Variants in RNF38 observed in about 807,000 individuals in gnomAD.
The protein encoded by RNF38 is ring finger protein 38.
In RNF38, 15 loss-of-function variants were observed where a neutral mutation model predicts 67.2. The ratio of observed to expected loss-of-function variants is 0.22; its 90% CI spans 0.15 to 0.34. The LOEUF (loss-of-function observed/expected upper bound fraction) is 0.34, where lower values mean the gene tolerates loss of function less well. RNF38 is among the 10% of genes least tolerant of loss of function. The pLI is 1.00. For synonymous variants in RNF38, 220 were observed against 218.8 expected (o/e 1.01, Z -0.05); for missense variants, 524 against 639.9 (o/e 0.82, Z 1.95).
chr9:36,382,838 C>A (rs1836309734), intron 2 of RNF38, among the ~76,000 whole-genome samples: 1 of 152,118 alleles, frequency 6.6e-6, no homozygotes, highest in African/African-American at 2.4e-5. Flanking sequence ...CTTTAAACTC[C>A]CAGACTTTCT....
intron 1 of RNF38, among the ~76,000 whole-genome samples, chr9:36,440,280 C>T (rs755722336): frequency 1.3e-5 from 2 of 151,610 alleles, no homozygotes; most frequent in East Asian, 1.9e-4. Flanking sequence ...CAGTGGCTCA[C>T]GCCTGTAACC....
intron 2 of RNF38, among the ~76,000 whole-genome samples, chr9:36,415,872 ATTTT>A (rs1227901936): frequency 1.3e-5 from 2 of 151,602 alleles, no homozygotes; most frequent in Non-Finnish European, 2.9e-5. Context: ...ATTTGCTATT[ATTTT>A]CTCCTTTCTT....
At chr9:36,432,216 C>T (rs1241171704) in intron 1 of RNF38, among the ~76,000 whole-genome samples, 1 of 151,830 alleles carries the variant, frequency 6.6e-6, no homozygotes, top group Non-Finnish European at 1.5e-5. Flanking sequence ...CTTACTGCAA[C>T]CTCTGCCTCC....
chr9:36,388,578 T>C (rs1836820243), intron 2 of RNF38, among the ~76,000 whole-genome samples: 1 of 152,150 alleles, frequency 6.6e-6, no homozygotes, highest in Non-Finnish European at 1.5e-5. Flanking sequence ...ACACATTTTT[T>C]CTCCCATATG....
At chr9:36,427,224 G>A (rs1268164676) in intron 1 of RNF38, among the ~76,000 whole-genome samples, 1 of 152,158 alleles carries the variant, frequency 6.6e-6, no homozygotes, top group African/African-American at 2.4e-5. Context: ...CAAAGCATGA[G>A]AGAAAAGAAA....
At position 36,429,217 on chromosome 9, in the gene RNF38, G is replaced by GA. The variant is rs776262173; in HGVS notation, n.242-4535dup. Among the ~76,000 whole-genome samples the GA allele has an allele frequency of 3.9e-4, 59 of 152,290 alleles. 1 individual carries two copies. Among genetic ancestry groups the GA allele is most frequent in the East Asian group, 3.3e-3 (17 of 5,188 alleles). The stretch of plus-strand genomic sequence containing the variant: ...GTAAAAAAAGAATGAAATGGATTAT[G>GA]ATGAAAAAAGAATCCCATTGCCTTC... On this transcript the variant is annotated intron_variant and non_coding_transcript_variant, in intron 1 of 3. Coordinates refer to the RNF38 transcript ENST00000488058.
intron 1 of RNF38, 137 bp from the exon 2 acceptor site, chr9:36,390,753 A>G: frequency 1.1e-6 from 1 of 924,996 alleles, no homozygotes; most frequent in Non-Finnish European, 1.6e-6. Context: ...TTAAAAATTA[A>G]TTTTAAACAT....
intron 2 of RNF38, among the ~76,000 whole-genome samples, chr9:36,413,294 T>C (rs1020779934): frequency 1.3e-5 from 2 of 151,738 alleles, no homozygotes; most frequent in Non-Finnish European, 2.9e-5. Context: ...TATCACCATG[T>C]GATATCGCCT....
intron 1 of RNF38, among the ~76,000 whole-genome samples, chr9:36,399,421 T>C (rs964966967): frequency 6.7e-6 from 1 of 150,040 alleles, no homozygotes; most frequent in African/African-American, 2.5e-5. Context: ...AAAAATCAAC[T>C]TAAAATTGAA....
chr9:36,423,880 C>T (rs1320964344), intron 2 of RNF38, among the ~76,000 whole-genome samples: 1 of 27,666 alleles, frequency 3.6e-5, no homozygotes, highest in South Asian at 1.1e-3. Context: ...ACCCGGGAGA[C>T]GGAGCTTGCA....
At chr9:36,425,961 G>C (rs1838759483) in intron 1 of RNF38, among the ~76,000 whole-genome samples, 1 of 152,160 alleles carries the variant, frequency 6.6e-6, no homozygotes, top group African/African-American at 2.4e-5. Context: ...CTCCCAAAGT[G>C]CTAGGATTGC....
At position 36,357,906 on chromosome 9, in the gene RNF38, T is replaced by G. The variant is rs1450615344; in HGVS notation, c.607A>C (p.Thr203Pro). The change falls in exon 5 of 12, where the codon ACA becomes CCA. Residue 203 changes from threonine to proline, a missense_variant. Around this residue, in one of 2 missense-constraint regions of RNF38, gnomAD observed 461 missense variants for 517.4 expected, o/e 0.89. Transcript: ENST00000259605. Reference sequence around the variant, plus strand: ...GGAATCCCATGTGGTGCCACTGTTGTTACTGTGTAAGAAACAGGGACTGTT... The same window carrying G: ...GGAATCCCATGTGGTGCCACTGTTGGTACTGTGTAAGAAACAGGGACTGTT... ...QGTVPVSYTV[T>P]TVAPHGIPLC... The G allele has an allele frequency of 6.2e-7, 1 of 1,614,004 alleles. No homozygotes were observed. The highest frequency in any genetic ancestry group is 1.1e-5 in the South Asian group (1 of 91,078).
At position 36,337,661 on chromosome 9, in the gene RNF38, TA is replaced by T. The variant is rs1220408763; in HGVS notation, c.*2090del. 6.6e-6 allele frequency: 1 copy of T among 152,586 alleles called. No homozygotes were observed. The highest frequency in any genetic ancestry group is 1.5e-5 in the Non-Finnish European group (1 of 68,016). The allele number at this position is 152,586 out of a possible 1,614,324, so 9.5% of individuals were successfully genotyped here. On this transcript the variant is annotated 3_prime_UTR_variant, in exon 12 of 12. Transcript: ENST00000259605. Reference sequence around the variant, plus strand: ...CATTTTAAACATGATTTTTTTTCATTAAAAAAGATTAAACTATATGTGATTT... The same window carrying T: ...CATTTTAAACATGATTTTTTTTCATTAAAAAGATTAAACTATATGTGATTT...
chr9:36,485,919 A>C (rs527811739), intron 1 of RNF38, among the ~76,000 whole-genome samples: 1 of 152,174 alleles, frequency 6.6e-6, no homozygotes, highest in Non-Finnish European at 1.5e-5. Flanking sequence ...GAACGTTTCT[A>C]TAAAAGTATA....
chr9:36,380,746 G>A (rs571447986), intron 2 of RNF38, among the ~76,000 whole-genome samples: 10 of 152,128 alleles, frequency 6.6e-5, no homozygotes, highest in African/African-American at 2.2e-4. Context: ...CTTCCACCTC[G>A]GCCTCCCACA....
chr9:36,441,719 C>T (rs1839195479), intron 1 of RNF38, among the ~76,000 whole-genome samples: 1 of 52,098 alleles, frequency 1.9e-5, no homozygotes, highest in African/African-American at 1.5e-4. Flanking sequence ...ACATACTCCT[C>T]AATTAAAAAC....
intron 1 of RNF38, among the ~76,000 whole-genome samples, chr9:36,444,919 CTTTTTTTTTT>C (rs34369319): frequency 7.5e-6 from 1 of 133,448 alleles, no homozygotes; most frequent in Non-Finnish European, 1.6e-5. Context: ...GAGCCATTCT[CTTTTTTTTTT>C]TTTTTTTTGA....
chr9:36,358,745 C>G (rs1446393308), intron 4 of RNF38, among the ~76,000 whole-genome samples: 1 of 152,290 alleles, frequency 6.6e-6, no homozygotes, highest in South Asian at 2.1e-4. Context: ...CACGGTGGCT[C>G]ATGCCTGTAA....
At chr9:36,383,648 G>C (rs950293679) in intron 2 of RNF38, among the ~76,000 whole-genome samples, 15 of 152,082 alleles carry the variant, frequency 9.9e-5, no homozygotes, top group African/African-American at 3.4e-4. Context: ...ATGAAATTCT[G>C]TCTCTCAACC....
Sources: gnomAD v4.1 joint callset for allele counts (sites outside exome capture counted in the v4.1 genomes callset) on GRCh38, gnomAD v4.1.1 for gene constraint, gnomAD v4.1.1 regional missense constraint, MANE v1.5 for transcripts, NCBI Gene and HGNC (gene_info 2026-07-23, HGNC 2026-07-21) for gene names.